Variants in NUBPL observed in about 807,000 individuals in gnomAD.
NUBPL encodes NUBP iron-sulfur cluster assembly factor, mitochondrial.
NUBPL carries 31 observed loss-of-function variants against 45.7 expected under a neutral mutation model. The observed-to-expected ratio is 0.68, with a 90% CI of 0.51 to 0.92. The LOEUF (loss-of-function observed/expected upper bound fraction) is 0.92, where lower values mean the gene tolerates loss of function less well. Among genes scored for constraint, NUBPL ranks in the 40% least tolerant of loss-of-function variants. NUBPL has a pLI of 0.00. For missense variants in NUBPL, 401 were observed against 398.7 expected (o/e 1.01, Z -0.05); for synonymous variants, 144 against 140.9 (o/e 1.02, Z -0.15).
chr14:31,627,048 T>C (rs1307061338), intron 4 of NUBPL, among the ~76,000 whole-genome samples: 3 of 152,212 alleles, frequency 2.0e-5, no homozygotes, highest in Non-Finnish European at 1.5e-5. Flanking sequence ...AGTTGTTACC[T>C]TATTAGTAGA....
chr14:31,779,892 C>G (rs1487100278), intron 6 of NUBPL, among the ~76,000 whole-genome samples: 2 of 152,176 alleles, frequency 1.3e-5, no homozygotes, highest in Non-Finnish European at 2.9e-5. Flanking sequence ...TACTTACAGT[C>G]TTAAGGTTCT....
intron 4 of NUBPL, among the ~76,000 whole-genome samples, chr14:31,604,652 A>G (rs891654656): frequency 6.6e-6 from 1 of 152,162 alleles, no homozygotes; most frequent in African/African-American, 2.4e-5. Context: ...TTAAAATGAT[A>G]TGTTAGGGTT....
intron 4 of NUBPL, among the ~76,000 whole-genome samples, chr14:31,664,276 G>T (rs1258055280): frequency 6.6e-6 from 1 of 152,132 alleles, no homozygotes; most frequent in African/African-American, 2.4e-5. Flanking sequence ...ACTGTGTTGA[G>T]TAGGAGTGGT....
At chr14:31,635,445 C>G (rs1027294950) in intron 4 of NUBPL, among the ~76,000 whole-genome samples, 11 of 151,946 alleles carry the variant, frequency 7.2e-5, no homozygotes, top group Non-Finnish European at 1.5e-4. Flanking sequence ...TTCCATTGGT[C>G]TATATCTCTG....
At chr14:31,798,445 A>G (rs111536499) in intron 7 of NUBPL, among the ~76,000 whole-genome samples, 1,634 of 151,522 alleles carry the variant, frequency 0.011, 25 homozygotes, top group African/African-American at 0.038. Flanking sequence ...GCTCTATATT[A>G]AATTACTAAT....
At chr14:31,759,272 A>G (rs951143799) in intron 6 of NUBPL, among the ~76,000 whole-genome samples, 2 of 152,024 alleles carry the variant, frequency 1.3e-5, no homozygotes, top group Non-Finnish European at 2.9e-5. Context: ...ACACTATGAG[A>G]TTATAGGGGA....
intron 6 of NUBPL, among the ~76,000 whole-genome samples, chr14:31,745,349 C>G (rs775204101): frequency 6.7e-5 from 10 of 150,348 alleles, no homozygotes; most frequent in Non-Finnish European, 1.2e-4. Context: ...ATGGTTTCCA[C>G]CTTCATCCAT....
intron 4 of NUBPL, among the ~76,000 whole-genome samples, chr14:31,622,684 A>C (rs2035097089): frequency 6.6e-6 from 1 of 152,192 alleles, no homozygotes. Flanking sequence ...CAGCTTCCAC[A>C]TGCTGTTGGG....
chr14:31,634,521 C>G (rs1214367072), intron 4 of NUBPL, among the ~76,000 whole-genome samples: 1 of 152,008 alleles, frequency 6.6e-6, no homozygotes. Flanking sequence ...CAAGTCTTTG[C>G]TATTGTGAAT....
intron 4 of NUBPL, among the ~76,000 whole-genome samples, chr14:31,667,423 A>T (rs1258908275): frequency 6.6e-6 from 1 of 151,742 alleles, no homozygotes; most frequent in Admixed American, 6.6e-5. Context: ...TTCTTCTCTA[A>T]ACTGGTTATT....
chr14:31,677,383 C>T (rs1211116488), intron 6 of NUBPL, among the ~76,000 whole-genome samples: 1 of 152,144 alleles, frequency 6.6e-6, no homozygotes, highest in African/African-American at 2.4e-5. Flanking sequence ...GCTCTATCTC[C>T]ATGAGTTCGG....
intron 6 of NUBPL, among the ~76,000 whole-genome samples, chr14:31,726,093 G>A (rs1010710354): frequency 4.6e-5 from 7 of 152,166 alleles, no homozygotes; most frequent in African/African-American, 1.2e-4. Context: ...TAAATGTTAT[G>A]GCCTTTCTCA....
intron 4 of NUBPL, among the ~76,000 whole-genome samples, chr14:31,648,392 A>G (rs2035912772): frequency 6.6e-6 from 1 of 152,242 alleles, no homozygotes; most frequent in African/African-American, 2.4e-5. Context: ...AGAAGCGCCT[A>G]GGTCCTGTGT....
At position 31,599,315 on chromosome 14, in the gene NUBPL, G is replaced by C. The variant is rs771917774; in HGVS notation, c.318G>C (p.Val106=). ...CCAAGGCCATTGGTTTGCTAGATGT[G>C]GATGTGTATGGACCTTCAGTTCCAA... The part of the protein sequence containing the change: ...DSSKAIGLLD[V]DVYGPSVPKM... Residue 106 remains valine, a synonymous_variant, in exon 4 of 11, where the codon GTG becomes GTC. Transcript: ENST00000281081. 1.9e-6 allele frequency: 3 copies of C among 1,612,478 alleles called. No homozygotes were observed. The South Asian group carries it at 3.3e-5, about 18-fold the overall frequency.
At chr14:31,795,361 T>TG (rs1467239813) in intron 7 of NUBPL, among the ~76,000 whole-genome samples, 1 of 95,280 alleles carries the variant, frequency 1.0e-5, no homozygotes, top group Admixed American at 1.2e-4. Context: ...TTCCTACCCA[T>TG]GAGCATGGAA....
chr14:31,747,564 T>C (rs1281684004), intron 6 of NUBPL, among the ~76,000 whole-genome samples: 1 of 152,220 alleles, frequency 6.6e-6, no homozygotes, highest in Non-Finnish European at 1.5e-5. Context: ...TCCAGGAATT[T>C]ATCCATTTCT....
chr14:31,734,323 T>C (rs1566530602), intron 6 of NUBPL, among the ~76,000 whole-genome samples: 1 of 152,268 alleles, frequency 6.6e-6, no homozygotes, highest in South Asian at 2.1e-4. Context: ...AAGGATGACA[T>C]TGGCTATTAA....
At chr14:31,764,177 G>A (rs187133084) in intron 6 of NUBPL, among the ~76,000 whole-genome samples, 2 of 152,276 alleles carry the variant, frequency 1.3e-5, no homozygotes, top group African/African-American at 2.4e-5. Context: ...ACTGGAGACA[G>A]GGACAGATGA....
chr14:31,700,114 T>C (rs1164948508), intron 6 of NUBPL, among the ~76,000 whole-genome samples: 1 of 152,236 alleles, frequency 6.6e-6, no homozygotes, highest in Admixed American at 6.5e-5. Flanking sequence ...AAAATTGTTA[T>C]ACAGTATTCA....
Sources: gnomAD v4.1 joint callset for allele counts (sites outside exome capture counted in the v4.1 genomes callset) on GRCh38, gnomAD v4.1.1 for gene constraint, MANE v1.5 for transcripts, NCBI Gene and HGNC (gene_info 2026-07-23, HGNC 2026-07-21) for gene names.